The following PGBD5 variants were observed in gnomAD, a reference collection of about 807,000 sequenced individuals.
PGBD5 encodes piggyBac transposable element derived 5, also known as piggyBac transposable element-derived protein 5.
Under a neutral mutation model 47.9 loss-of-function variants are expected in PGBD5, and 14 were observed. The ratio of observed to expected loss-of-function variants is 0.29; its 90% CI spans 0.19 to 0.46. The LOEUF (loss-of-function observed/expected upper bound fraction) is 0.46. Among genes scored for constraint, PGBD5 ranks in the 20% least tolerant of loss-of-function variants. PGBD5 has a pLI of 1.00. For missense variants in PGBD5, 635 were observed against 716.0 expected, an observed-to-expected ratio of 0.89 and a Z score of 1.29; for synonymous variants, 316 against 306.3, an observed-to-expected ratio of 1.03 and a Z score of -0.33.
chr1:230,420,141 A>G (rs1442121988), intron 1 of PGBD5, among the ~76,000 whole-genome samples: 1 of 152,168 alleles, frequency 6.6e-6, no homozygotes, highest in African/African-American at 2.4e-5. Context: ...ACAAACAAAA[A>G]AACAAACTTA....
At chr1:230,401,048 G>A (rs1314734102) in intron 1 of PGBD5, among the ~76,000 whole-genome samples, 3 of 152,230 alleles carry the variant, frequency 2.0e-5, no homozygotes, top group Non-Finnish European at 4.4e-5. Flanking sequence ...GTTACCTGGA[G>A]ACTGTCCTTG....
intron 1 of PGBD5, among the ~76,000 whole-genome samples, chr1:230,372,493 G>A (rs912131902): frequency 2.0e-5 from 3 of 152,218 alleles, no homozygotes; most frequent in East Asian, 3.9e-4. Flanking sequence ...ATCATCCCAC[G>A]AATGTTCTCT....
chr1:230,358,495 T>A (rs1470388234), intron 1 of PGBD5, among the ~76,000 whole-genome samples: 1 of 152,094 alleles, frequency 6.6e-6, no homozygotes, highest in African/African-American at 2.4e-5. Context: ...AGGGACTACA[T>A]CTGAAGGGGC....
At chr1:230,348,460 C>G (rs1319629211) in intron 3 of PGBD5, among the ~76,000 whole-genome samples, 4 of 152,204 alleles carry the variant, frequency 2.6e-5, no homozygotes, top group Non-Finnish European at 5.9e-5. Context: ...GAGCCAAAGC[C>G]ACCTCATGTA....
intron 3 of PGBD5, among the ~76,000 whole-genome samples, chr1:230,344,826 G>A (rs1415693363): frequency 2.0e-5 from 3 of 152,244 alleles, no homozygotes; most frequent in South Asian, 2.1e-4. Context: ...ACTGAGCAGG[G>A]CTGTCATCCA....
intron 1 of PGBD5, among the ~76,000 whole-genome samples, chr1:230,371,876 C>G (rs774636879): frequency 6.6e-6 from 1 of 152,188 alleles, no homozygotes; most frequent in East Asian, 1.9e-4. Flanking sequence ...ACCGCGGAAG[C>G]TCGCCACCTC....
At chr1:230,418,335 T>C (rs1051656876) in intron 1 of PGBD5, among the ~76,000 whole-genome samples, 3 of 152,138 alleles carry the variant, frequency 2.0e-5, no homozygotes, top group African/African-American at 7.2e-5. Context: ...TACAGTGGCA[T>C]ACTACACTGC....
intron 3 of PGBD5, among the ~76,000 whole-genome samples, chr1:230,339,400 C>G (rs1667376933): frequency 6.6e-6 from 1 of 151,974 alleles, no homozygotes; most frequent in South Asian, 2.1e-4. Context: ...GAAATTTTGC[C>G]CATGAATCAA....
At chr1:230,422,192 C>T (rs1454934619) in intron 1 of PGBD5, among the ~76,000 whole-genome samples, 1 of 151,974 alleles carries the variant, frequency 6.6e-6, no homozygotes. Flanking sequence ...CAGCTCAGAT[C>T]CCAGCCAGCC....
chr1:230,384,039 G>A (rs547485297), intron 1 of PGBD5, among the ~76,000 whole-genome samples: 14 of 152,290 alleles, frequency 9.2e-5, no homozygotes, highest in African/African-American at 2.4e-4. Flanking sequence ...AAGCACAGTT[G>A]AAAAGCCTTC....
chr1:230,412,663 C>T (rs923722409), intron 1 of PGBD5, among the ~76,000 whole-genome samples: 1 of 152,118 alleles, frequency 6.6e-6, no homozygotes, highest in Non-Finnish European at 1.5e-5. Context: ...GCTGGGATTA[C>T]AGGCATGAGC....
chr1:230,408,061 G>C (rs1657334620), intron 1 of PGBD5, among the ~76,000 whole-genome samples: 1 of 152,174 alleles, frequency 6.6e-6, no homozygotes, highest in South Asian at 2.1e-4. Flanking sequence ...CACAGTTGTA[G>C]CCCAAATTGC....
At position 230,323,735 on chromosome 1, in the gene PGBD5, G is replaced by T; in HGVS notation, c.1380-115C>A. On this transcript the variant is annotated intron_variant, in intron 6 of 6. Transcript: ENST00000391860. The surrounding 1 kb of genome is among the most constrained non-coding windows in gnomAD (Gnocchi z 4.1). ...AGACGCTGCAGGTTCGCCCCCGACA[G>T]AAGCAGGAGGGCTATGGGGGCAGGA... is the stretch of plus-strand genomic sequence containing the variant. 1.0e-6 allele frequency: 1 copy of T among 987,010 alleles called. No homozygotes were observed. 61.1% of individuals were successfully genotyped at this position (987,010 alleles called of 1,614,324 possible).
intron 1 of PGBD5, among the ~76,000 whole-genome samples, chr1:230,395,243 TCCCA>T (rs548777091): frequency 3.5e-4 from 8 of 22,612 alleles, no homozygotes; most frequent in African/African-American, 2.2e-3. Flanking sequence ...CCTCTCTCAT[TCCCA>T]CCCTTCTCCC....
In PGBD5 at chr1:230,368,307, C is replaced by T. The variant is rs542431851; in HGVS notation, c.332-10986G>A. ...GGCCAAGTGGCCCCTCCCCAAAAAG[C>T]AACCGGGAAGAGTGTGCGGCCCGGC... On this transcript the variant is annotated intron_variant, in intron 1 of 6. Coordinates refer to ENST00000391860, the MANE Select transcript of PGBD5 (RefSeq NM_001258311.2). Among the ~76,000 whole-genome samples, 128 of 152,384 alleles carry T rather than the reference C, an allele frequency of 8.4e-4. 1 individual carries two copies. The highest frequency in any genetic ancestry group is 2.9e-3 in the Admixed American group (44 of 15,306).
chr1:230,347,535 A>G (rs1222088299), intron 3 of PGBD5, among the ~76,000 whole-genome samples: 2 of 136,634 alleles, frequency 1.5e-5, no homozygotes, highest in African/African-American at 5.6e-5. Context: ...GCTGGAGTGC[A>G]GTGGTGCGAT....
Position 230,391,904 on chromosome 1 carries a change from G to A in PGBD5, c.331+33694C>T, listed in dbSNP as rs534899959. Among the ~76,000 whole-genome samples, 9 of 152,292 alleles carry A rather than the reference G, an allele frequency of 5.9e-5. No individual in the cohort carries two copies. The South Asian group carries it at 1.0e-3, about 18-fold the overall frequency. On this transcript the variant is annotated intron_variant, in intron 1 of 6. Transcript: ENST00000391860. ...ATGCTCAGCAGTGGCCCGAGCCTAC[G>A]CCAGAGAACGGGGCCAAGCTGCCCT...
intron 5 of PGBD5, among the ~76,000 whole-genome samples, chr1:230,326,808 T>C (rs1320191952): frequency 6.6e-6 from 1 of 151,174 alleles, no homozygotes; most frequent in Non-Finnish European, 1.5e-5. Context: ...AAGGAGGAGG[T>C]TGTCCTTTTC....
intron 3 of PGBD5, among the ~76,000 whole-genome samples, chr1:230,347,318 G>A (rs1332930727): frequency 6.6e-6 from 1 of 152,072 alleles, no homozygotes; most frequent in East Asian, 1.9e-4. Context: ...TTTATTTTAA[G>A]GAACTGGCTC....
Sources: gnomAD v4.1 joint callset for allele counts (sites outside exome capture counted in the v4.1 genomes callset) on GRCh38, gnomAD v4.1.1 for gene constraint, Gnocchi (gnomAD v3.1) non-coding constraint, MANE v1.5 for transcripts, NCBI Gene and HGNC (gene_info 2026-07-23, HGNC 2026-07-21) for gene names.